Variants in SCHIP1 observed in about 807,000 individuals in gnomAD.
The protein encoded by SCHIP1 is schwannomin interacting protein 1.
In SCHIP1, 8 loss-of-function variants were observed where a neutral mutation model predicts 29.7. That is an observed-to-expected ratio of 0.27 (90% CI 0.16 to 0.49). SCHIP1 has a LOEUF of 0.49. Among genes scored for constraint, SCHIP1 ranks in the 20% least tolerant of loss-of-function variants. SCHIP1 has a pLI of 0.99. For synonymous variants in SCHIP1, 76 were observed against 94.9 expected, an observed-to-expected ratio of 0.80 and a Z score of 1.16; for missense variants, 193 against 294.6, an observed-to-expected ratio of 0.66 and a Z score of 2.52.
At chr3:159,550,080 AAATT>A in the SCHIP1 span, among the ~76,000 whole-genome samples, 947 of 149,234 alleles carry the variant, frequency 6.3e-3, 7 homozygotes, top group African/African-American at 0.022. Context: ...TATCTTAAGA[AAATT>A]AATTATCTTA....
chr3:159,893,197 G>A (rs1240594921), intron 6 of SCHIP1: 2 of 152,136 alleles, frequency 1.3e-5, no homozygotes, highest in Non-Finnish European at 2.9e-5. Context: ...ATAAATGCTG[G>A]AAAAATATGT....
At chr3:159,565,988 G>A in the SCHIP1 span, among the ~76,000 whole-genome samples, 1 of 152,092 alleles carries the variant, frequency 6.6e-6, no homozygotes, top group African/African-American at 2.4e-5. Context: ...ATTCAATTTG[G>A]CTTGAAGTAA....
At chr3:159,421,556 T>A in the SCHIP1 span, among the ~76,000 whole-genome samples, 1 of 152,216 alleles carries the variant, frequency 6.6e-6, no homozygotes, top group Non-Finnish European at 1.5e-5. Flanking sequence ...GTGCAACATG[T>A]GTGTAGCAAT....
chr3:159,401,451 A>G, the SCHIP1 span: 7 of 709,628 alleles, frequency 9.9e-6, no homozygotes, highest in African/African-American at 7.7e-5. Context: ...CCCTCTCGTT[A>G]TATGCCTGGC....
the SCHIP1 span, among the ~76,000 whole-genome samples, chr3:159,397,280 C>G: frequency 6.6e-6 from 1 of 152,092 alleles, no homozygotes; most frequent in Non-Finnish European, 1.5e-5. Flanking sequence ...CCTCCTGTAG[C>G]TCAGAGTAAT....
At chr3:159,613,477 T>G in the SCHIP1 span, among the ~76,000 whole-genome samples, 1 of 152,252 alleles carries the variant, frequency 6.6e-6, no homozygotes, top group African/African-American at 2.4e-5. Flanking sequence ...AATTTTGTTA[T>G]GTATATCTGA....
At chr3:159,736,575 G>C in the SCHIP1 span, among the ~76,000 whole-genome samples, 2 of 152,136 alleles carry the variant, frequency 1.3e-5, no homozygotes, top group African/African-American at 4.8e-5. Context: ...GTCTACACCA[G>C]CTTCTTGCCT....
At chr3:159,506,311 G>A in the SCHIP1 span, among the ~76,000 whole-genome samples, 1 of 151,842 alleles carries the variant, frequency 6.6e-6, no homozygotes, top group Non-Finnish European at 1.5e-5. Context: ...CTTTTGGATG[G>A]GATTGTTTTA....
At chr3:159,860,342 G>T (rs762596803) in intron 1 of SCHIP1, among the ~76,000 whole-genome samples, 18 of 152,144 alleles carry the variant, frequency 1.2e-4, no homozygotes, top group Non-Finnish European at 2.4e-4. Context: ...AAGATCTCCT[G>T]CAAAACCTCT....
At chr3:159,425,590 A>ATGTG in the SCHIP1 span, among the ~76,000 whole-genome samples, 1 of 152,176 alleles carries the variant, frequency 6.6e-6, no homozygotes, top group African/African-American at 2.4e-5. Context: ...CACATTAATA[A>ATGTG]TGGGAGACTT....
At chr3:159,682,226 C>A in the SCHIP1 span, among the ~76,000 whole-genome samples, 1 of 152,184 alleles carries the variant, frequency 6.6e-6, no homozygotes, top group African/African-American at 2.4e-5. Flanking sequence ...ACATAGTAAG[C>A]ACTCAATAAA....
At chr3:159,615,307 C>T in the SCHIP1 span, among the ~76,000 whole-genome samples, 7 of 152,236 alleles carry the variant, frequency 4.6e-5, no homozygotes, top group East Asian at 5.8e-4. Context: ...TACTTTCTGA[C>T]GGGAGTGGGA....
the SCHIP1 span, among the ~76,000 whole-genome samples, chr3:159,306,937 A>G: frequency 6.6e-6 from 1 of 152,222 alleles, no homozygotes; most frequent in Non-Finnish European, 1.5e-5. Context: ...TTATGTTTAT[A>G]TCCCTTGACA....
At chr3:159,730,072 T>C in the SCHIP1 span, among the ~76,000 whole-genome samples, 5 of 152,218 alleles carry the variant, frequency 3.3e-5, no homozygotes, top group Non-Finnish European at 7.3e-5. Flanking sequence ...AATATGTATG[T>C]CCATATAAAT....
the SCHIP1 span, among the ~76,000 whole-genome samples, chr3:159,444,821 G>A: frequency 3.1e-4 from 47 of 152,292 alleles, 1 homozygote; most frequent in South Asian, 3.5e-3. Context: ...ATGTGATGAA[G>A]CAGAATCATT....
chr3:159,446,532 AATATT>A, the SCHIP1 span, among the ~76,000 whole-genome samples: 12 of 150,372 alleles, frequency 8.0e-5, 1 homozygote, highest in East Asian at 3.9e-4. Flanking sequence ...ACAGCAATAC[AATATT>A]GTTGCATTAC....
the SCHIP1 span, among the ~76,000 whole-genome samples, chr3:159,414,194 A>C: frequency 6.6e-6 from 1 of 152,224 alleles, no homozygotes; most frequent in Non-Finnish European, 1.5e-5. Flanking sequence ...TAAGAAGAAA[A>C]TTAGCCTATT....
the SCHIP1 span, among the ~76,000 whole-genome samples, chr3:159,322,406 T>C: frequency 6.6e-6 from 1 of 152,222 alleles, no homozygotes; most frequent in South Asian, 2.1e-4. Context: ...CTGAAAGCTA[T>C]GGGATCTCTG....
At chr3:159,792,041 G>A in the SCHIP1 span, among the ~76,000 whole-genome samples, 1 of 152,092 alleles carries the variant, frequency 6.6e-6, no homozygotes, top group African/African-American at 2.4e-5. Flanking sequence ...TCATCTGTGT[G>A]TGTCTATCTT....
Sources: allele counts gnomAD v4.1 joint callset (sites outside exome capture counted in the v4.1 genomes callset), GRCh38; gene constraint gnomAD v4.1.1; transcripts MANE v1.5; gene names NCBI Gene and HGNC (gene_info 2026-07-23, HGNC 2026-07-21).